Variants in GRIP1 observed in about 807,000 individuals in gnomAD.
GRIP1 encodes the protein glutamate receptor-interacting protein 1.
In GRIP1, 45 loss-of-function variants were observed where a neutral mutation model predicts 129.9. The observed-to-expected ratio is 0.35, with a 90% CI of 0.27 to 0.44. GRIP1 has a LOEUF of 0.44. Among genes scored for constraint, GRIP1 ranks in the 20% least tolerant of loss-of-function variants. The probability of loss-of-function intolerance (pLI) is 1.00; values close to 1 mark genes in which losing one functional copy is unlikely to be tolerated. For missense variants in GRIP1, 1,196 were observed against 1,396.8 expected (o/e 0.86, Z 2.29); for synonymous variants, 530 against 520.8 (o/e 1.02, Z -0.24).
At chr12:66,392,546 A>G (rs1306629081) in intron 18 of GRIP1, 44 bp from the exon 19 acceptor site, 1 of 1,594,736 alleles carries the variant, frequency 6.3e-7, no homozygotes, top group Non-Finnish European at 8.6e-7. Flanking sequence ...GTAAATTTAA[A>G]TAAAAATATA....
intron 1 of GRIP1, among the ~76,000 whole-genome samples, chr12:66,793,067 T>C (rs570200500): frequency 5.3e-5 from 8 of 152,320 alleles, no homozygotes; most frequent in African/African-American, 1.2e-4. Flanking sequence ...AGTTCCTATA[T>C]AGTTTTCCAA....
At chr12:66,940,085 G>GTT (rs375258479) in intron 1 of GRIP1, among the ~76,000 whole-genome samples, 2 of 150,940 alleles carry the variant, frequency 1.3e-5, no homozygotes, top group Admixed American at 6.6e-5. Flanking sequence ...TACCTTTTGG[G>GTT]TTTTTTTTTA....
At chr12:66,832,398 G>C (rs955450204) in intron 1 of GRIP1, among the ~76,000 whole-genome samples, 3 of 152,056 alleles carry the variant, frequency 2.0e-5, no homozygotes, top group African/African-American at 7.2e-5. Flanking sequence ...ATTTACAAAG[G>C]GGTTTCTTAA....
chr12:66,431,246 G>A (rs755340942), intron 14 of GRIP1, among the ~76,000 whole-genome samples: 5 of 152,142 alleles, frequency 3.3e-5, no homozygotes, highest in Non-Finnish European at 7.4e-5. Flanking sequence ...GAGAGGCTAA[G>A]TGACCCAATT....
intron 1 of GRIP1, among the ~76,000 whole-genome samples, chr12:67,064,389 C>T (rs1210500009): frequency 6.6e-6 from 1 of 152,104 alleles, no homozygotes; most frequent in Non-Finnish European, 1.5e-5. Flanking sequence ...AAATAAATGC[C>T]CTAAGTCTTG....
intron 19 of GRIP1, among the ~76,000 whole-genome samples, chr12:66,379,761 A>G (rs1301808797): frequency 6.6e-6 from 1 of 152,166 alleles, no homozygotes; most frequent in Non-Finnish European, 1.5e-5. Flanking sequence ...TTTTTGGAGA[A>G]TCGGTTTTCA....
chr12:66,659,281 T>C (rs2033355706), intron 1 of GRIP1, among the ~76,000 whole-genome samples: 1 of 152,244 alleles, frequency 6.6e-6, no homozygotes, highest in African/African-American at 2.4e-5. Flanking sequence ...TATTTGAATA[T>C]TTGTTTATTG....
intron 1 of GRIP1, among the ~76,000 whole-genome samples, chr12:66,919,224 A>C (rs2041174439): frequency 6.6e-6 from 1 of 152,232 alleles, no homozygotes; most frequent in Non-Finnish European, 1.5e-5. Context: ...AACTAGGAAC[A>C]CATCTGCATG....
At chr12:66,644,396 C>T (rs1391315492) in intron 1 of GRIP1, among the ~76,000 whole-genome samples, 1 of 152,144 alleles carries the variant, frequency 6.6e-6, no homozygotes, top group Admixed American at 6.5e-5. Context: ...AGAGCAATTG[C>T]CTGTATCACA....
intron 1 of GRIP1, among the ~76,000 whole-genome samples, chr12:67,004,896 CA>C (rs1565634886): frequency 6.6e-6 from 1 of 151,706 alleles, no homozygotes; most frequent in Non-Finnish European, 1.5e-5. Context: ...GAAATGTATG[CA>C]TAACAGAAAG....
intron 1 of GRIP1, among the ~76,000 whole-genome samples, chr12:66,779,118 T>TGTTAAC (rs2038078178): frequency 6.6e-6 from 1 of 152,204 alleles, no homozygotes; most frequent in South Asian, 2.1e-4. Context: ...AAAATGTCTT[T>TGTTAAC]GTTAACATAT....
intron 1 of GRIP1, among the ~76,000 whole-genome samples, chr12:66,971,123 T>C (rs2042069771): frequency 6.6e-6 from 1 of 152,168 alleles, no homozygotes; most frequent in Non-Finnish European, 1.5e-5. Flanking sequence ...TTCATCAAAA[T>C]TACTATTTAA....
chr12:67,069,103 G>A, exon 1 of GRIP1: 2 of 985,098 alleles, frequency 2.0e-6, no homozygotes, highest in African/African-American at 3.5e-5. Flanking sequence ...CTTCCAGCCG[G>A]GCATGGTGTC....
At chr12:66,535,032 TG>T (rs932305963) in intron 4 of GRIP1, among the ~76,000 whole-genome samples, 1 of 152,114 alleles carries the variant, frequency 6.6e-6, no homozygotes, top group African/African-American at 2.4e-5. Flanking sequence ...AGTTTAACTG[TG>T]GGCTGGGCTG....
At position 66,785,313 on chromosome 12, in the gene GRIP1, TACATACATACATACATACATACATAC is replaced by T. The variant is rs1566020922; in HGVS notation, c.-420+18714_-420+18739del. Among the ~76,000 whole-genome samples the T allele has an allele frequency of 2.0e-4, 10 of 49,118 alleles. 1 individual carries two copies. The highest frequency in any genetic ancestry group is 5.1e-4 in the African/African-American group (8 of 15,594). 32.2% of individuals were successfully genotyped at this position (49,118 alleles called of 152,430 possible). ...GACTCTTCCAAGAATTTAACATACA[TACATACATACATACATACATACATAC>T]ATACATATATATATATATATATATT... On this transcript the variant is annotated intron_variant, in intron 1 of 4. Coordinates refer to the GRIP1 transcript ENST00000538373.
chr12:66,818,606 A>T (rs1259684268), intron 1 of GRIP1, among the ~76,000 whole-genome samples: 1 of 152,228 alleles, frequency 6.6e-6, no homozygotes, highest in Non-Finnish European at 1.5e-5. Context: ...GGTATGCAAC[A>T]GAGTGCTTTA....
At chr12:66,566,010 T>G (rs77220849) in intron 2 of GRIP1, among the ~76,000 whole-genome samples, 18,141 of 152,178 alleles carry the variant, frequency 0.12, 1,185 homozygotes, top group East Asian at 0.19. Context: ...ATCAGCTTAA[T>G]GAGATTTTGG....
intron 13 of GRIP1, among the ~76,000 whole-genome samples, chr12:66,437,007 G>A (rs1341720890): frequency 1.3e-5 from 2 of 150,744 alleles, no homozygotes; most frequent in African/African-American, 4.9e-5. Flanking sequence ...GGAGAAAAGG[G>A]AGAGAGATTT....
At chr12:66,804,621 C>A (rs900830723), upstream of GRIP1, among the ~76,000 whole-genome samples, 1 of 152,004 alleles carries the variant, frequency 6.6e-6, no homozygotes, top group East Asian at 1.9e-4. Flanking sequence ...ATCATCGGGG[C>A]GGGGGTATAG....
Sources: allele counts gnomAD v4.1 joint callset (sites outside exome capture counted in the v4.1 genomes callset), GRCh38; gene constraint gnomAD v4.1.1; transcripts MANE v1.5; gene names NCBI Gene and HGNC (gene_info 2026-07-23, HGNC 2026-07-21).